MED12L: variants seen among roughly 807,000 people sequenced by gnomAD.
MED12L encodes the protein mediator complex subunit 12L.
In MED12L, 60 loss-of-function variants were observed where a neutral mutation model predicts 281.3. That is an observed-to-expected ratio of 0.21 (90% CI 0.17 to 0.26). The LOEUF (loss-of-function observed/expected upper bound fraction) is 0.26. Ranked by LOEUF, MED12L falls within the 10% of genes least tolerant of loss-of-function variation. The pLI, the probability that MED12L is intolerant of heterozygous loss-of-function variation, is 1.00. For synonymous variants in MED12L, 974 were observed against 987.2 expected, an observed-to-expected ratio of 0.99 and a Z score of 0.25; for missense variants, 2,146 against 2,680.9, an observed-to-expected ratio of 0.80 and a Z score of 4.41.
At chr3:151,143,972 A>T (rs1294666278) in intron 5 of MED12L, among the ~76,000 whole-genome samples, 1 of 152,246 alleles carries the variant, frequency 6.6e-6, no homozygotes, top group African/African-American at 2.4e-5. Flanking sequence ...TCACTCAGGT[A>T]TATATAGAAA....
Position 151,305,493 on chromosome 3 carries a change from G to A in MED12L, c.2251-44566G>A, listed in dbSNP as rs13320748. On this transcript the variant is annotated intron_variant, in intron 16 of 44. Transcript: ENST00000687756. ...CAGTTTCTCCTTGCTTTTGGACCCCGAACTTGGTGGTTGATACCTTAAGCA... is the reference window on the plus strand; with the variant it reads ...CAGTTTCTCCTTGCTTTTGGACCCCAAACTTGGTGGTTGATACCTTAAGCA... 7.8e-3 allele frequency among the ~76,000 whole-genome samples: 1,186 copies of A among 152,170 alleles called. 5 individuals carry two copies. The highest frequency in any genetic ancestry group is 0.014 in the Non-Finnish European group (924 of 68,000).
chr3:151,385,192 G>T lies in MED12L; in HGVS notation c.5088+1G>T. ...ATTTGACTCTATAGATAAAAAACAG[G>T]CAAGAGTGAATGTTTTTTCTTATAT... On this transcript the variant is annotated splice_donor_variant, in intron 36 of 44. Transcript: ENST00000687756. LOFTEE classifies it high-confidence loss of function. 2.3e-6 allele frequency: 3 copies of T among 1,326,778 alleles called. No individual in the cohort carries two copies. The highest frequency in any genetic ancestry group is 2.1e-6 in the Non-Finnish European group (2 of 952,868). 82.2% of individuals were successfully genotyped at this position (1,326,778 alleles called of 1,614,324 possible).
chr3:151,175,280 T>TA (rs1260593486), intron 11 of MED12L, among the ~76,000 whole-genome samples: 11 of 152,348 alleles, frequency 7.2e-5, no homozygotes, highest in Admixed American at 1.3e-4. Flanking sequence ...GTAATATGAA[T>TA]AATATCTTCT....
chr3:151,106,000 C>T (rs1318203720), intron 2 of MED12L, among the ~76,000 whole-genome samples: 1 of 152,072 alleles, frequency 6.6e-6, no homozygotes, highest in Non-Finnish European at 1.5e-5. Flanking sequence ...TTGGGTTTCC[C>T]TCCTAAATAT....
At chr3:151,120,931 A>G (rs1194812761) in intron 3 of MED12L, among the ~76,000 whole-genome samples, 1 of 152,246 alleles carries the variant, frequency 6.6e-6, no homozygotes, top group Non-Finnish European at 1.5e-5. Flanking sequence ...TGTTAGCAGG[A>G]ATTAATACAT....
intron 16 of MED12L, chr3:151,294,279 T>A: frequency 6.2e-7 from 1 of 1,613,888 alleles, no homozygotes; most frequent in East Asian, 2.2e-5. Flanking sequence ...AACAGCCTTC[T>A]TGAAAATGAC....
intron 16 of MED12L, among the ~76,000 whole-genome samples, chr3:151,207,137 A>G (rs1473481282): frequency 6.6e-6 from 1 of 151,480 alleles, no homozygotes; most frequent in Non-Finnish European, 1.5e-5. Context: ...AGCTTGCTGC[A>G]GTCCCAGACT....
intron 2 of MED12L, among the ~76,000 whole-genome samples, chr3:151,088,224 TG>T (rs1719539341): frequency 6.6e-6 from 1 of 152,194 alleles, no homozygotes; most frequent in Non-Finnish European, 1.5e-5. Flanking sequence ...ACACTAAATA[TG>T]CTCTAGCATC....
Position 151,156,309 on chromosome 3 carries a change from G to A in MED12L, c.705G>A (p.Lys235=). The change falls in exon 6 of 45, where the codon AAG becomes AAA. Residue 235 remains lysine (K), a synonymous_variant. Transcript: ENST00000687756. ...QAMKQWEYNE[K]LAFHMFQEGM... is the part of the protein sequence containing the mutation. ...TGAAGCAATGGGAATACAACGAAAA[G>A]CTAGCATTTCACATGTTCCAGGTAA... 9.9e-6 allele frequency: 16 copies of A among 1,609,184 alleles called. No individual in the cohort carries two copies. Among genetic ancestry groups the A allele is most frequent in the Non-Finnish European group, 1.4e-5 (16 of 1,178,068 alleles).
Position 151,394,677 on chromosome 3 carries a change from C to G in MED12L, c.5630C>G (p.Ala1877Gly), listed in dbSNP as rs1391714481. 6.2e-7 allele frequency: 1 copy of G among 1,614,142 alleles called. No individual in the cohort carries two copies. The highest frequency in any genetic ancestry group is 1.3e-5 in the African/African-American group (1 of 74,952). ...LTPGGSRLDPAGSFVPTNTKQ... is the reference protein window; with the variant it reads ...LTPGGSRLDPGGSFVPTNTKQ... Reference sequence around the variant, plus strand: ...GTAGGTGGCTCCAGATTGGACCCTGCAGGCTCCTTTGTCCCAACCAACACC... The same window carrying G: ...GTAGGTGGCTCCAGATTGGACCCTGGAGGCTCCTTTGTCCCAACCAACACC... Residue 1877 changes from alanine (A) to glycine (G), a missense_variant, in exon 39 of 45, where the codon GCA becomes GGA. Physicochemically the swap from Ala to Gly is moderately conservative, Grantham distance 60 (BLOSUM62 0). Transcript: ENST00000687756.
Position 151,434,956 on chromosome 3 carries a change from G to GAA in MED12L, c.*2154_*2155dup, listed in dbSNP as rs1176339690. 2 of 151,706 alleles carry GAA rather than the reference G, an allele frequency of 1.3e-5. 1 individual carries two copies. The highest frequency in any genetic ancestry group is 4.8e-5 in the African/African-American group (2 of 41,348). 9.4% of individuals were successfully genotyped at this position (151,706 alleles called of 1,614,324 possible). A position where few individuals can be genotyped will look rare whatever the true frequency, so the allele number is the denominator to read the frequency against. On this transcript the variant is annotated 3_prime_UTR_variant, in exon 45 of 45. Transcript: ENST00000687756. ...CTCTAATTAATTCCACGATTCTATT[G>GAA]AAAGTTGAGGAATGCTGTTTTACCC... is the stretch of plus-strand genomic sequence containing the variant.
intron 16 of MED12L, chr3:151,214,037 A>G: frequency 1.2e-6 from 2 of 1,614,172 alleles, no homozygotes; most frequent in Non-Finnish European, 1.7e-6. Flanking sequence ...GAGACCCTGC[A>G]CACAAACACG....
At chr3:151,116,064 C>CAA (rs59017489) in intron 2 of MED12L, among the ~76,000 whole-genome samples, 39 of 92,274 alleles carry the variant, frequency 4.2e-4, no homozygotes, top group Middle Eastern at 6.8e-3. Context: ...ACTCCATCTC[C>CAA]AAAAAAAAAA....
intron 2 of MED12L, among the ~76,000 whole-genome samples, chr3:151,109,294 G>A (rs1711517308): frequency 1.3e-5 from 2 of 152,152 alleles, no homozygotes; most frequent in Admixed American, 1.3e-4. Context: ...TGACCTCTCG[G>A]GATCTGCCTG....
At chr3:151,251,093 T>A (rs1393081709) in intron 16 of MED12L, among the ~76,000 whole-genome samples, 1 of 152,228 alleles carries the variant, frequency 6.6e-6, no homozygotes, top group Non-Finnish European at 1.5e-5. Context: ...GGGCTTGCCC[T>A]CAAATGTTGA....
intron 42 of MED12L, among the ~76,000 whole-genome samples, 168 bp from the exon 43 acceptor site, chr3:151,416,144 G>A (rs1472921644): frequency 2.0e-5 from 3 of 152,202 alleles, no homozygotes; most frequent in East Asian, 1.9e-4. Context: ...TTTAGGTCTT[G>A]CCCTCAAAAG....
chr3:151,363,781 A>T (rs1192690466), intron 21 of MED12L, among the ~76,000 whole-genome samples: 2 of 152,154 alleles, frequency 1.3e-5, no homozygotes, highest in Non-Finnish European at 2.9e-5. Flanking sequence ...CTATACACCC[A>T]CAGTGGAGGC....
chr3:151,416,888 CAGTCGGAT>C (rs1414998169), intron 43 of MED12L, among the ~76,000 whole-genome samples: 1 of 152,188 alleles, frequency 6.6e-6, no homozygotes, highest in African/African-American at 2.4e-5. Context: ...ATGTAACTCA[CAGTCGGAT>C]AGTTCACTTC....
At chr3:151,307,366 T>C (rs1746796508) in intron 16 of MED12L, among the ~76,000 whole-genome samples, 1 of 152,224 alleles carries the variant, frequency 6.6e-6, no homozygotes, top group Non-Finnish European at 1.5e-5. Context: ...GTTAGTCTCC[T>C]AAATGTGTTG....
Sources: allele counts gnomAD v4.1 joint callset (sites outside exome capture counted in the v4.1 genomes callset), GRCh38; gene constraint gnomAD v4.1.1; transcripts MANE v1.5; gene names NCBI Gene and HGNC (gene_info 2026-07-23, HGNC 2026-07-21).